The following SND1 variants were observed in gnomAD, a reference collection of about 807,000 sequenced individuals.
The protein encoded by SND1 is staphylococcal nuclease and tudor domain containing 1.
In SND1, 38 loss-of-function variants were observed where a neutral mutation model predicts 121.7. The observed-to-expected ratio is 0.31, with a 90% CI of 0.24 to 0.41. The LOEUF (loss-of-function observed/expected upper bound fraction) is 0.41, where lower values mean the gene tolerates loss of function less well. Ranked by LOEUF, SND1 falls within the 10% of genes least tolerant of loss-of-function variation. SND1 has a pLI of 1.00. For missense variants in SND1, 868 were observed against 1,184.6 expected (o/e 0.73, Z 3.92); for synonymous variants, 401 against 447.4 (o/e 0.90, Z 1.31).
At chr7:128,032,401 T>C (rs1188247590) in intron 16 of SND1, among the ~76,000 whole-genome samples, 1 of 145,842 alleles carries the variant, frequency 6.9e-6, no homozygotes, top group Admixed American at 6.8e-5. Context: ...CGAGCCGGAG[T>C]GAGCGTCAAG....
intron 10 of SND1, among the ~76,000 whole-genome samples, chr7:127,780,773 G>C (rs1797705764): frequency 1.3e-5 from 2 of 152,192 alleles, no homozygotes; most frequent in South Asian, 4.1e-4. Flanking sequence ...TTTTATTTTA[G>C]ATCCCTTTTT....
At chr7:128,007,061 C>T (rs989105715) in intron 16 of SND1, among the ~76,000 whole-genome samples, 3 of 152,208 alleles carry the variant, frequency 2.0e-5, no homozygotes, top group East Asian at 1.9e-4. Context: ...TGTCAGGTAG[C>T]TCTGCAGTAT....
chr7:127,673,667 C>T (rs1795565275), intron 1 of SND1, among the ~76,000 whole-genome samples: 1 of 152,186 alleles, frequency 6.6e-6, no homozygotes, highest in South Asian at 2.1e-4. Flanking sequence ...TTTCTAATTC[C>T]ATCATCCAAC....
At chr7:127,735,475 G>A (rs998731668) in intron 10 of SND1, among the ~76,000 whole-genome samples, 2 of 152,154 alleles carry the variant, frequency 1.3e-5, no homozygotes, top group Non-Finnish European at 2.9e-5. Flanking sequence ...CACTTTGGGA[G>A]GCCGAGAGAG....
intron 1 of SND1, among the ~76,000 whole-genome samples, chr7:127,653,566 T>G (rs1202071438): frequency 6.6e-6 from 1 of 152,142 alleles, no homozygotes. Flanking sequence ...TCCCAGCACT[T>G]AGGAGGCCGA....
At chr7:128,084,478 G>T (rs1324760737) in intron 18 of SND1, among the ~76,000 whole-genome samples, 9 of 152,374 alleles carry the variant, frequency 5.9e-5, no homozygotes, top group African/African-American at 1.9e-4. Context: ...AGATGGCAAG[G>T]CTGTGTGTGC....
chr7:127,657,709 G>T (rs1183651578), intron 1 of SND1, among the ~76,000 whole-genome samples: 2 of 151,978 alleles, frequency 1.3e-5, no homozygotes, highest in Non-Finnish European at 2.9e-5. Context: ...TGTTGCCCAG[G>T]CTGGTCTCGA....
intron 12 of SND1, among the ~76,000 whole-genome samples, chr7:127,871,772 A>G (rs1380276030): frequency 6.6e-6 from 1 of 152,196 alleles, no homozygotes; most frequent in Non-Finnish European, 1.5e-5. Flanking sequence ...AAAGATATGG[A>G]TAGAAGTGTG....
intron 15 of SND1, among the ~76,000 whole-genome samples, chr7:127,940,968 G>C (rs79881041): frequency 0.012 from 1,886 of 152,330 alleles, 49 homozygotes; most frequent in African/African-American, 0.043. Flanking sequence ...CCATGTATGG[G>C]GGGCTCTGAG....
chr7:127,916,326 A>G (rs868329491), intron 14 of SND1, among the ~76,000 whole-genome samples: 19 of 152,164 alleles, frequency 1.2e-4, no homozygotes, highest in Admixed American at 7.9e-4. Flanking sequence ...AGTGTCATGC[A>G]TGAGCTTTCC....
chr7:127,804,590 T>G (rs1315708128), intron 10 of SND1, among the ~76,000 whole-genome samples: 1 of 152,142 alleles, frequency 6.6e-6, no homozygotes, highest in African/African-American at 2.4e-5. Flanking sequence ...CTGACATTCC[T>G]TTCTACCTCT....
chr7:127,704,955 G>T lies in SND1; in HGVS notation c.947+10G>T, dbSNP rs1379820864. On this transcript the variant is annotated intron_variant, in intron 8 of 23. Coordinates refer to ENST00000354725, the MANE Select transcript of SND1 (RefSeq NM_014390.4). Reference sequence around the variant, plus strand: ...TGAGGGCGGCAGAGAGGTAAGGTCTGTCCAAGAGGCCTTCCAGCTGTGGAT... The same window carrying T: ...TGAGGGCGGCAGAGAGGTAAGGTCTTTCCAAGAGGCCTTCCAGCTGTGGAT... 5 of 1,606,968 alleles carry T rather than the reference G, an allele frequency of 3.1e-6. No individual in the cohort carries two copies. Among genetic ancestry groups the T allele is most frequent in the Non-Finnish European group, 4.3e-6 (5 of 1,173,700 alleles).
At chr7:128,025,851 T>C (rs563544850) in intron 16 of SND1, among the ~76,000 whole-genome samples, 2 of 152,294 alleles carry the variant, frequency 1.3e-5, no homozygotes, top group African/African-American at 2.4e-5. Flanking sequence ...CTCCCACAGA[T>C]TGAAGCTGAA....
chr7:127,988,482 G>C lies in SND1; in HGVS notation c.1670-2465G>C, dbSNP rs1039531982. ...GAGTGACTGGGATTTGGTTTTCACA[G>C]GCCCAGAGGACTATCTCATGAAAAA... On this transcript the variant is annotated intron_variant, in intron 15 of 23. Coordinates refer to ENST00000354725, the MANE Select transcript of SND1 (RefSeq NM_014390.4). Among the ~76,000 whole-genome samples the C allele has an allele frequency of 7.2e-5, 11 of 152,298 alleles. No individual in the cohort carries two copies. In the East Asian group the frequency reaches 2.1e-3, roughly 29 times the overall value.
chr7:127,817,816 G>A (rs1000224903), intron 11 of SND1, among the ~76,000 whole-genome samples: 21 of 138,098 alleles, frequency 1.5e-4, no homozygotes, highest in African/African-American at 5.5e-4. Context: ...TTTGTCCTCC[G>A]ATAATATTTT....
At chr7:127,670,765 G>A (rs1795501685) in intron 1 of SND1, among the ~76,000 whole-genome samples, 1 of 151,148 alleles carries the variant, frequency 6.6e-6, no homozygotes, top group Admixed American at 6.6e-5. Flanking sequence ...TCTTGCCTTG[G>A]CCTCCCAAAG....
chr7:128,029,328 T>A lies in SND1; in HGVS notation c.1779+38272T>A, dbSNP rs1792503938. On this transcript the variant is annotated intron_variant, in intron 16 of 23. Coordinates refer to ENST00000354725, the MANE Select transcript of SND1 (RefSeq NM_014390.4). The surrounding 1 kb of genome is among the most constrained non-coding windows in gnomAD (Gnocchi z 4.2). The stretch of plus-strand genomic sequence containing the variant: ...AAGCTCAGCCGTGCTCACATTGAGG[T>A]AGGCCGAGGCGTTGGAGTTGCCTGC... The A allele has an allele frequency of 3.7e-6, 6 of 1,614,116 alleles. 1 individual carries two copies. The East Asian group carries it at 1.3e-4, about 36-fold the overall frequency.
At chr7:128,002,306 AG>A (rs1802855508) in intron 16 of SND1, among the ~76,000 whole-genome samples, 1 of 152,214 alleles carries the variant, frequency 6.6e-6, no homozygotes, top group African/African-American at 2.4e-5. Context: ...CCTTGGTCTA[AG>A]TTTGCAAAGG....
At chr7:128,057,257 G>C (rs1328188980) in intron 16 of SND1, among the ~76,000 whole-genome samples, 2 of 152,188 alleles carry the variant, frequency 1.3e-5, no homozygotes, top group African/African-American at 4.8e-5. Flanking sequence ...CCTGGAGGAA[G>C]GACTGCCGAG....
Sources: gnomAD v4.1 joint callset for allele counts (sites outside exome capture counted in the v4.1 genomes callset) on GRCh38, gnomAD v4.1.1 for gene constraint, Gnocchi (gnomAD v3.1) non-coding constraint, MANE v1.5 for transcripts, NCBI Gene and HGNC (gene_info 2026-07-23, HGNC 2026-07-21) for gene names.